MYO16: variants seen among roughly 807,000 people sequenced by gnomAD.
MYO16 encodes the protein unconventional myosin-XVI.
MYO16 carries 94 observed loss-of-function variants against 205.3 expected under a neutral mutation model. The ratio of observed to expected loss-of-function variants is 0.46; its 90% CI spans 0.39 to 0.54. The LOEUF is 0.54. MYO16 is among the 20% of genes least tolerant of loss of function. MYO16 has a pLI of 0.00. For missense variants in MYO16, 2,315 were observed against 2,387.5 expected (o/e 0.97, Z 0.63); for synonymous variants, 988 against 954.0 (o/e 1.04, Z -0.66).
intron 16 of MYO16, among the ~76,000 whole-genome samples, chr13:108,932,332 G>A (rs535988040): frequency 1.3e-4 from 20 of 152,246 alleles, no homozygotes; most frequent in Admixed American, 3.9e-4. Context: ...TCTGCCTGCC[G>A]ATGGTTGCTC....
At chr13:108,670,969 A>C (rs1417646076) in intron 2 of MYO16, among the ~76,000 whole-genome samples, 1 of 152,220 alleles carries the variant, frequency 6.6e-6, no homozygotes. Flanking sequence ...TAAGTGTATT[A>C]TGTATAGCAG....
At chr13:108,938,267 A>C (rs1882577409) in intron 16 of MYO16, among the ~76,000 whole-genome samples, 1 of 152,118 alleles carries the variant, frequency 6.6e-6, no homozygotes, top group Non-Finnish European at 1.5e-5. Flanking sequence ...GCTTATAGCT[A>C]AGAGCTGTCT....
intron 32 of MYO16, 45 bp from the exon 33 acceptor site, chr13:109,164,856 T>C: frequency 8.4e-7 from 1 of 1,196,188 alleles, no homozygotes. Flanking sequence ...GTATATTCAG[T>C]ACATGTTATC....
At chr13:109,054,087 A>G (rs1887337714) in intron 25 of MYO16, among the ~76,000 whole-genome samples, 1 of 152,058 alleles carries the variant, frequency 6.6e-6, no homozygotes, top group African/African-American at 2.4e-5. Context: ...GTGAAATGTA[A>G]TAGTAGGTTA....
intron 2 of MYO16, among the ~76,000 whole-genome samples, chr13:108,688,898 C>T (rs992365489): frequency 1.3e-5 from 2 of 152,126 alleles, no homozygotes; most frequent in East Asian, 1.9e-4. Flanking sequence ...CTTTGAGCCT[C>T]GGTTTCCTTA....
chr13:109,140,743 C>T lies in MYO16; in HGVS notation c.4531C>T (p.Arg1511Trp). 3.3e-6 allele frequency: 5 copies of T among 1,526,044 alleles called. No homozygotes were observed. The South Asian group carries it at 3.7e-5, about 11-fold the overall frequency. 94.5% of individuals were successfully genotyped at this position (1,526,044 alleles called of 1,614,324 possible). ...GCCCTTCCCCAACCTGCTGCCGCAC[C>T]GGCCGCCCCTGCTGGTGTTCCCCCC... ...PPPFPNLLPH[R>W]PPLLVFPPTP... Residue 1511 changes from arginine to tryptophan, a missense_variant, in exon 32 of 35, where the codon CGG becomes TGG. By Grantham distance (101) the Arg-to-Trp change is moderately radical. Coordinates refer to ENST00000457511, the MANE Select transcript of MYO16 (RefSeq NM_001198950.3). The surrounding 1 kb of genome is among the most constrained non-coding windows in gnomAD (Gnocchi z 8.0).
intron 5 of MYO16, among the ~76,000 whole-genome samples, chr13:108,792,425 T>C (rs1316659622): frequency 6.6e-6 from 1 of 151,992 alleles, no homozygotes; most frequent in Non-Finnish European, 1.5e-5. Context: ...GGTACACTTA[T>C]CAAAACTAAA....
At chr13:108,584,769 G>C in the MYO16 span, among the ~76,000 whole-genome samples, 15 of 152,224 alleles carry the variant, frequency 9.9e-5, no homozygotes, top group East Asian at 2.9e-3. Flanking sequence ...ATGTCTGTTA[G>C]AGCAACTTTG....
chr13:108,969,533 G>T (rs920962402), intron 20 of MYO16, among the ~76,000 whole-genome samples: 2 of 152,164 alleles, frequency 1.3e-5, no homozygotes, highest in African/African-American at 4.8e-5. Context: ...CCAAAGGCGT[G>T]TGGCCCTCTC....
Position 109,127,555 on chromosome 13 carries a change from G to C in MYO16, c.4051+5G>C, listed in dbSNP as rs1418716889. 1 of 1,607,696 alleles carries C rather than the reference G, an allele frequency of 6.2e-7. No homozygotes were observed. The highest frequency in any genetic ancestry group is 8.5e-7 in the Non-Finnish European group (1 of 1,179,370). On this transcript the variant is annotated splice_donor_5th_base_variant and intron_variant, in intron 31 of 34. Coordinates refer to ENST00000457511, the MANE Select transcript of MYO16 (RefSeq NM_001198950.3). This position sits in a 1 kb window ranked among gnomAD's most constrained non-coding sequence, Gnocchi z 4.2. ...CCAGGGAAGCGGCCAACGAAGGTCA[G>C]CCCTGGGGAGGGACCCAGCCTCGTG...
At chr13:108,817,118 G>A (rs1297053917) in intron 7 of MYO16, among the ~76,000 whole-genome samples, 4 of 152,044 alleles carry the variant, frequency 2.6e-5, no homozygotes, top group African/African-American at 7.2e-5. Flanking sequence ...AAAACCACTT[G>A]GTAAACTTTT....
intron 27 of MYO16, among the ~76,000 whole-genome samples, chr13:109,080,265 T>G (rs1888242500): frequency 6.6e-6 from 1 of 152,182 alleles, no homozygotes; most frequent in Non-Finnish European, 1.5e-5. Context: ...TTATTTAGAT[T>G]ATGTATACCA....
intron 7 of MYO16, among the ~76,000 whole-genome samples, chr13:108,811,542 G>GT (rs1318320928): frequency 2.7e-5 from 1 of 37,226 alleles, no homozygotes; most frequent in Admixed American, 4.9e-4. Context: ...AACACCACCT[G>GT]TTTAAAAAAA....
At chr13:108,664,663 A>G (rs899209940) in intron 1 of MYO16, among the ~76,000 whole-genome samples, 1 of 152,210 alleles carries the variant, frequency 6.6e-6, no homozygotes, top group African/African-American at 2.4e-5. Context: ...TTGAGACCTG[A>G]TATCATAAAT....
intron 28 of MYO16, among the ~76,000 whole-genome samples, chr13:109,110,535 G>A (rs1889253796): frequency 6.6e-6 from 1 of 152,208 alleles, no homozygotes; most frequent in Non-Finnish European, 1.5e-5. Flanking sequence ...GTGTGTGGCT[G>A]TAATTATCTT....
At chr13:108,613,020 A>G (rs1339443744) in intron 1 of MYO16, among the ~76,000 whole-genome samples, 1 of 152,166 alleles carries the variant, frequency 6.6e-6, no homozygotes, top group African/African-American at 2.4e-5. Context: ...TGGAGCTGAG[A>G]TGAGAGAGAC....
intron 16 of MYO16, among the ~76,000 whole-genome samples, chr13:108,938,202 T>A (rs1045506451): frequency 6.6e-6 from 1 of 152,202 alleles, no homozygotes; most frequent in Admixed American, 6.5e-5. Flanking sequence ...ATGTACTTTT[T>A]TTTGGCAGGT....
chr13:108,709,988 G>A (rs1453419637), intron 2 of MYO16, among the ~76,000 whole-genome samples: 1 of 136,042 alleles, frequency 7.4e-6, no homozygotes, highest in Non-Finnish European at 1.6e-5. Context: ...ATGCCGGGCT[G>A]GATGGAGGAA....
At chr13:108,961,513 A>G (rs537225723) in intron 17 of MYO16, 26 bp from the exon 18 acceptor site, 1 of 1,580,524 alleles carries the variant, frequency 6.3e-7, no homozygotes, top group Non-Finnish European at 8.7e-7. Context: ...CACCCTATTC[A>G]TTCTCTCTGT....
Sources: gnomAD v4.1 joint callset for allele counts (sites outside exome capture counted in the v4.1 genomes callset) on GRCh38, gnomAD v4.1.1 for gene constraint, Gnocchi (gnomAD v3.1) non-coding constraint, MANE v1.5 for transcripts, NCBI Gene and HGNC (gene_info 2026-07-23, HGNC 2026-07-21) for gene names.